Variants in AP3B1 observed in about 807,000 individuals in gnomAD.
The protein encoded by AP3B1 is adaptor related protein complex 3 subunit beta 1.
AP3B1 carries 61 observed loss-of-function variants against 132.5 expected under a neutral mutation model. The observed-to-expected ratio is 0.46, with a 90% CI of 0.37 to 0.57. AP3B1 has a LOEUF of 0.57. AP3B1 is among the 20% of genes least tolerant of loss of function. The pLI is 0.00. For missense variants in AP3B1, 1,120 were observed against 1,289.4 expected (o/e 0.87, Z 2.01); for synonymous variants, 388 against 438.3 (o/e 0.89, Z 1.43).
At chr5:78,119,607 G>A (rs1240142867) in intron 17 of AP3B1, among the ~76,000 whole-genome samples, 1 of 152,130 alleles carries the variant, frequency 6.6e-6, no homozygotes, top group African/African-American at 2.4e-5. Context: ...AAGACGAAAT[G>A]AATGAAATGA....
intron 17 of AP3B1, among the ~76,000 whole-genome samples, chr5:78,119,480 C>G (rs150519920): frequency 1.1e-4 from 17 of 152,050 alleles, no homozygotes; most frequent in Non-Finnish European, 1.5e-5. Context: ...ATAACCAATG[C>G]AGAGAAGTCC....
At chr5:78,050,108 C>T (rs1380985066) in intron 22 of AP3B1, among the ~76,000 whole-genome samples, 2 of 152,168 alleles carry the variant, frequency 1.3e-5, no homozygotes, top group East Asian at 1.9e-4. Context: ...ATAGGTTATT[C>T]CCTGGGACCC....
At chr5:78,058,258 T>C (rs1007724886) in intron 22 of AP3B1, among the ~76,000 whole-genome samples, 5 of 152,122 alleles carry the variant, frequency 3.3e-5, no homozygotes, top group Admixed American at 3.3e-4. Flanking sequence ...TCCCAGCACT[T>C]TGGGAGGCCG....
rs116511581 is a variant in AP3B1 at position 78,030,244 on chromosome 5, C to G, written c.2894+4117G>C. Among the ~76,000 whole-genome samples, 1,330 of 152,092 alleles carry G rather than the reference C, an allele frequency of 8.7e-3. 19 individuals are homozygous for G. The highest frequency in any genetic ancestry group is 0.03 in the African/African-American group (1,264 of 41,492). On this transcript the variant is annotated intron_variant, in intron 24 of 26. Transcript: ENST00000255194. ...CCTCTAATTCCTGGGCTCAAGCTATCCTCCCGCCTCAGCCTCCTGAGTAGC... is the reference window on the plus strand; with the variant it reads ...CCTCTAATTCCTGGGCTCAAGCTATGCTCCCGCCTCAGCCTCCTGAGTAGC...
At chr5:78,253,652 G>C (rs78338784) in intron 2 of AP3B1, among the ~76,000 whole-genome samples, 5,376 of 152,240 alleles carry the variant, frequency 0.035, 164 homozygotes, top group East Asian at 0.13. Context: ...AGAAATTCAA[G>C]ATCAGAGAAG....
At chr5:78,094,700 T>A (rs1161991760) in intron 21 of AP3B1, among the ~76,000 whole-genome samples, 1 of 152,068 alleles carries the variant, frequency 6.6e-6, no homozygotes, top group Non-Finnish European at 1.5e-5. Context: ...TCTTTTTTTG[T>A]AGTGGAATAT....
At chr5:78,190,678 AAAGCAGT>A (rs1257297574) in intron 7 of AP3B1, among the ~76,000 whole-genome samples, 3 of 152,186 alleles carry the variant, frequency 2.0e-5, no homozygotes, top group African/African-American at 7.2e-5. Flanking sequence ...CTCATCTATA[AAAGCAGT>A]AACTATATCA....
intron 22 of AP3B1, among the ~76,000 whole-genome samples, chr5:78,066,486 C>T (rs562096556): frequency 3.3e-5 from 5 of 152,142 alleles, no homozygotes; most frequent in Non-Finnish European, 7.4e-5. Flanking sequence ...CCTGAAGGAA[C>T]TGAAAAACAC....
chr5:78,001,263 A>G (rs1010758856), downstream of AP3B1: 2 of 152,192 alleles, frequency 1.3e-5, no homozygotes, highest in African/African-American at 4.8e-5. Flanking sequence ...ATTCTGTCTG[A>G]CATTTCAAAA....
chr5:78,056,617 C>T (rs1473008256), intron 22 of AP3B1, among the ~76,000 whole-genome samples: 2 of 152,152 alleles, frequency 1.3e-5, no homozygotes, highest in African/African-American at 4.8e-5. Context: ...ATCTGTTTTT[C>T]CCTCCTCTGT....
At chr5:78,203,010 G>A (rs1009213102) in intron 7 of AP3B1, among the ~76,000 whole-genome samples, 1 of 152,104 alleles carries the variant, frequency 6.6e-6, no homozygotes, top group African/African-American at 2.4e-5. Flanking sequence ...GAACTTACTT[G>A]TTGACTTTTT....
intron 24 of AP3B1, among the ~76,000 whole-genome samples, chr5:78,023,011 T>C (rs74387188): frequency 0.031 from 4,729 of 152,234 alleles, 197 homozygotes; most frequent in East Asian, 0.18. Context: ...TTTATTCCAC[T>C]ATAATATACA....
intron 7 of AP3B1, among the ~76,000 whole-genome samples, chr5:78,214,174 G>C (rs1745867700): frequency 6.6e-6 from 1 of 152,202 alleles, no homozygotes; most frequent in South Asian, 2.1e-4. Flanking sequence ...CAGTATGCCA[G>C]GGACAATGAC....
At chr5:78,193,770 A>ATATATATATTTTTT in intron 7 of AP3B1, among the ~76,000 whole-genome samples, 4 of 67,216 alleles carry the variant, frequency 6.0e-5, no homozygotes, top group Admixed American at 3.5e-4. Context: ...ATATATATAT[A>ATATATATATTTTTT]TTTTTTTTTT....
downstream of AP3B1, chr5:78,000,975 G>A (rs932429744): frequency 6.6e-6 from 1 of 152,058 alleles, no homozygotes; most frequent in Non-Finnish European, 1.5e-5. Flanking sequence ...CATTACAATC[G>A]ATACATACTG....
At chr5:78,081,636 C>T (rs1580322063) in intron 22 of AP3B1, among the ~76,000 whole-genome samples, 1 of 152,080 alleles carries the variant, frequency 6.6e-6, no homozygotes, top group Non-Finnish European at 1.5e-5. Context: ...TACTGTAACA[C>T]TATCCTTGGT....
intron 22 of AP3B1, chr5:78,043,529 G>A (rs1748189437): frequency 7.7e-6 from 3 of 389,536 alleles, no homozygotes; most frequent in African/African-American, 2.1e-5. Flanking sequence ...GATAGGCTAT[G>A]AACTGTAAGT....
chr5:78,151,742 A>G (rs1380898749), intron 14 of AP3B1, among the ~76,000 whole-genome samples: 1 of 152,042 alleles, frequency 6.6e-6, no homozygotes, highest in Non-Finnish European at 1.5e-5. Flanking sequence ...ATGTTGTTGA[A>G]TTCAGTTTAG....
chr5:78,195,232 G>A (rs540358915), intron 7 of AP3B1, among the ~76,000 whole-genome samples: 6 of 152,268 alleles, frequency 3.9e-5, no homozygotes, highest in South Asian at 2.1e-4. Context: ...GTAGCAAAAC[G>A]AGAGCAGCCA....
Sources: gnomAD v4.1 joint callset for allele counts (sites outside exome capture counted in the v4.1 genomes callset) on GRCh38, gnomAD v4.1.1 for gene constraint, MANE v1.5 for transcripts, NCBI Gene and HGNC (gene_info 2026-07-23, HGNC 2026-07-21) for gene names.